LPIN2: variants seen among roughly 807,000 people sequenced by gnomAD.
The protein encoded by LPIN2 is lipin 2, also known as phosphatidate phosphatase LPIN2.
A neutral mutation model predicts 111.4 loss-of-function variants in LPIN2; 55 were observed. The ratio of observed to expected loss-of-function variants is 0.49; its 90% CI spans 0.40 to 0.62. LPIN2 has a LOEUF of 0.62. Ranked by LOEUF, LPIN2 falls within the 20% of genes least tolerant of loss-of-function variation. The pLI, the probability that LPIN2 is intolerant of heterozygous loss-of-function variation, is 0.00. For synonymous variants in LPIN2, 425 were observed against 414.0 expected (o/e 1.03, Z -0.32); for missense variants, 992 against 1,112.1 (o/e 0.89, Z 1.54).
intron 4 of LPIN2, among the ~76,000 whole-genome samples, chr18:2,949,407 T>G (rs1291784023): frequency 6.6e-6 from 1 of 152,222 alleles, no homozygotes; most frequent in Non-Finnish European, 1.5e-5. Flanking sequence ...TTTTAAAATT[T>G]TGTAAATATA....
intron 1 of LPIN2, among the ~76,000 whole-genome samples, chr18:2,996,636 C>T (rs2078349412): frequency 6.6e-6 from 1 of 151,592 alleles, no homozygotes; most frequent in Non-Finnish European, 1.5e-5. Flanking sequence ...CACCATCACG[C>T]CTGGCTAATT....
chr18:2,956,402 A>G (rs768093495), intron 2 of LPIN2, among the ~76,000 whole-genome samples: 1 of 151,458 alleles, frequency 6.6e-6, no homozygotes, highest in Non-Finnish European at 1.5e-5. Flanking sequence ...GCCTAGAAGC[A>G]ATGATACCTC....
At chr18:2,940,553 T>C (rs2077354455) in intron 5 of LPIN2, 52 bp downstream of exon 5, 2 of 1,075,010 alleles carry the variant, frequency 1.9e-6, no homozygotes, top group East Asian at 4.7e-5. Flanking sequence ...AAAAGCTAAT[T>C]AATACATCTC....
chr18:2,937,630 A>G, intron 7 of LPIN2, 62 bp downstream of exon 7: 1 of 1,351,764 alleles, frequency 7.4e-7, no homozygotes, highest in East Asian at 2.3e-5. Flanking sequence ...GTTATGTGGA[A>G]CACTGAAATA....
At chr18:2,999,451 A>G (rs1434466053) in intron 1 of LPIN2, among the ~76,000 whole-genome samples, 4 of 152,044 alleles carry the variant, frequency 2.6e-5, no homozygotes, top group Non-Finnish European at 5.9e-5. Flanking sequence ...AAAAAAAAAA[A>G]AAAATTAGCC....
intron 1 of LPIN2, among the ~76,000 whole-genome samples, chr18:3,004,174 CAGG>C (rs1567865659): frequency 6.6e-6 from 1 of 152,198 alleles, no homozygotes; most frequent in Non-Finnish European, 1.5e-5. Flanking sequence ...ATGTGCACAG[CAGG>C]ACATAGACCC....
chr18:2,991,727 T>G (rs1163542105), intron 1 of LPIN2, among the ~76,000 whole-genome samples: 3 of 151,264 alleles, frequency 2.0e-5, no homozygotes, highest in Non-Finnish European at 4.4e-5. Context: ...ATAATAATAA[T>G]AAGGCCGGGC....
chr18:2,926,076 G>A (rs1013540398), intron 13 of LPIN2, among the ~76,000 whole-genome samples: 64 of 152,288 alleles, frequency 4.2e-4, no homozygotes, highest in African/African-American at 1.4e-3. Flanking sequence ...GAGGAGCTAT[G>A]ATTATGCCAT....
At chr18:2,986,563 A>AG (rs2078189736) in intron 1 of LPIN2, among the ~76,000 whole-genome samples, 2 of 151,796 alleles carry the variant, frequency 1.3e-5, no homozygotes, top group Non-Finnish European at 2.9e-5. Flanking sequence ...AAAAAAAAAA[A>AG]GAAAGACTAA....
intron 4 of LPIN2, chr18:2,946,197 T>C (rs749500989): frequency 1.1e-5 from 18 of 1,608,280 alleles, no homozygotes; most frequent in Middle Eastern, 1.6e-4. Context: ...AAATTTGTCA[T>C]TGGTTCATCT....
In LPIN2 at chr18:2,925,939, G is replaced by A. The variant is rs1288144640; in HGVS notation, c.1794-571C>T. On this transcript the variant is annotated intron_variant, in intron 13 of 19. Coordinates refer to ENST00000677752, the MANE Select transcript of LPIN2 (RefSeq NM_001375808.2). The surrounding 1 kb of genome is among the most constrained non-coding windows in gnomAD (Gnocchi z 4.1). The stretch of plus-strand genomic sequence containing the variant: ...GAGGACTGCTTGAGCCCAGGAGTTT[G>A]AGACCAGCCTGGGCAACACAGCAAG... 1.3e-5 allele frequency among the ~76,000 whole-genome samples: 2 copies of A among 152,130 alleles called. No homozygotes were observed. Among genetic ancestry groups the A allele is most frequent in the Non-Finnish European group, 1.5e-5 (1 of 68,008 alleles).
intron 8 of LPIN2, 112 bp from the exon 9 acceptor site, chr18:2,931,555 C>G: frequency 1.0e-6 from 1 of 979,254 alleles, no homozygotes; most frequent in Non-Finnish European, 1.6e-6. Flanking sequence ...CTAAAAAGAA[C>G]GGATGGACCT....
intron 1 of LPIN2, among the ~76,000 whole-genome samples, chr18:3,005,118 G>C (rs1047061441): frequency 2.0e-5 from 3 of 152,050 alleles, no homozygotes; most frequent in African/African-American, 4.8e-5. Flanking sequence ...GGGAGGCCAA[G>C]GTCGGTGGAT....
At chr18:3,008,000 G>A (rs16973298) in intron 1 of LPIN2, among the ~76,000 whole-genome samples, 4,517 of 152,236 alleles carry the variant, frequency 0.03, 207 homozygotes, top group African/African-American at 0.1. Flanking sequence ...AGATGAGGAC[G>A]ATCTTGGTCA....
intron 1 of LPIN2, among the ~76,000 whole-genome samples, chr18:3,012,852 G>A (rs1227768152): frequency 1.3e-5 from 2 of 151,746 alleles, no homozygotes; most frequent in African/African-American, 4.8e-5. Flanking sequence ...CTGCGGCGGC[G>A]GCGGTAGGGG....
At chr18:2,948,306 G>A (rs1598555967) in intron 4 of LPIN2, 1 of 152,318 alleles carries the variant, frequency 6.6e-6, no homozygotes, top group Non-Finnish European at 1.5e-5. Flanking sequence ...CAAGCTGCTG[G>A]CTTAGAGATA....
At chr18:2,945,841 G>A in intron 4 of LPIN2, 4 of 1,467,780 alleles carry the variant, frequency 2.7e-6, no homozygotes, top group Non-Finnish European at 3.8e-6. Context: ...CCAGTCTGAT[G>A]CCAGTCATGT....
intron 1 of LPIN2, chr18:2,990,830 C>T: frequency 2.4e-6 from 1 of 412,946 alleles, no homozygotes; most frequent in Non-Finnish European, 4.8e-6. Flanking sequence ...CTTCCTACTT[C>T]AATCTCTGTT....
chr18:2,969,871 G>GA (rs1255150291), intron 1 of LPIN2, among the ~76,000 whole-genome samples: 2 of 152,196 alleles, frequency 1.3e-5, no homozygotes, highest in Non-Finnish European at 2.9e-5. Flanking sequence ...AGTTTGTTAT[G>GA]AAGACTAAGT....
Sources: allele counts gnomAD v4.1 joint callset (sites outside exome capture counted in the v4.1 genomes callset), GRCh38; gene constraint gnomAD v4.1.1; non-coding constraint Gnocchi (gnomAD v3.1); transcripts MANE v1.5; gene names NCBI Gene and HGNC (gene_info 2026-07-23, HGNC 2026-07-21).